Variants in NKIRAS2 observed in about 807,000 individuals in gnomAD.
The protein encoded by NKIRAS2 is NFKB inhibitor interacting Ras like 2.
In NKIRAS2, 15 loss-of-function variants were observed where a neutral mutation model predicts 20.7. The ratio of observed to expected loss-of-function variants is 0.73; its 90% CI spans 0.49 to 1.12. NKIRAS2 has a LOEUF of 1.12. NKIRAS2 is among the 50% of genes most tolerant of loss of function. NKIRAS2 has a pLI of 0.00. For synonymous variants in NKIRAS2, 116 were observed against 101.4 expected (o/e 1.14, Z -0.87); for missense variants, 196 against 249.6 (o/e 0.79, Z 1.45).
chr17:42,024,319 AG>A lies in NKIRAS2; in HGVS notation c.*429del. The A allele has an allele frequency of 4.3e-6, 1 of 230,172 alleles. No homozygotes were observed. Among genetic ancestry groups the A allele is most frequent in the South Asian group, 5.8e-5 (1 of 17,172 alleles). 14.3% of individuals were successfully genotyped at this position (230,172 alleles called of 1,614,324 possible). ...TGGCACCAGCCTGGACTCCAGAAAA[AG>A]GGTGTCCAGGTATTGTGTGTATGCA... On this transcript the variant is annotated 3_prime_UTR_variant, in exon 4 of 4. Transcript: ENST00000393885.
At chr17:42,021,315 C>T (rs1202294006) in intron 1 of NKIRAS2, 13 of 425,912 alleles carry the variant, frequency 3.1e-5, no homozygotes, top group Non-Finnish European at 5.2e-5. Context: ...AATAAAATAA[C>T]AGCTTACCAT....
In NKIRAS2 at chr17:42,023,648, C is replaced by A. The variant is rs782399310; in HGVS notation, c.337-6C>A. The A allele has an allele frequency of 3.1e-6, 5 of 1,613,462 alleles. No homozygotes were observed. In the South Asian group the frequency reaches 4.4e-5, roughly 14 times the overall value. On this transcript the variant is annotated splice_polypyrimidine_tract_variant and splice_region_variant and intron_variant, in intron 3 of 3. Coordinates refer to ENST00000393885, the MANE Select transcript of NKIRAS2 (RefSeq NM_017595.6). The stretch of plus-strand genomic sequence containing the variant: ...CACAGGCCTATGCTCTGTCCCTCTT[C>A]CCCAGGTCACCATCGTGGTCCTTGG...
At chr17:42,019,576 G>A (rs1031448776), upstream of NKIRAS2, among the ~76,000 whole-genome samples, 68 of 152,282 alleles carry the variant, frequency 4.5e-4, no homozygotes, top group African/African-American at 1.6e-3. Context: ...CATAGTTTCA[G>A]AAAATGCCAT....
rs1555652985 is a variant in NKIRAS2 at position 42,021,561 on chromosome 17, A to G, written c.-14-3A>G. Reference sequence around the variant, plus strand: ...CTTACCCAGCGTGCTTCTGTTCTTCAAGGTTGAAAACTAAGCATGGGGAAG... The same window carrying G: ...CTTACCCAGCGTGCTTCTGTTCTTCGAGGTTGAAAACTAAGCATGGGGAAG... On this transcript the variant is annotated splice_polypyrimidine_tract_variant and splice_region_variant and intron_variant, in intron 1 of 3. Coordinates refer to ENST00000393885, the MANE Select transcript of NKIRAS2 (RefSeq NM_017595.6). 6.2e-7 allele frequency: 1 copy of G among 1,613,356 alleles called. No homozygotes were observed. The highest frequency in any genetic ancestry group is 8.5e-7 in the Non-Finnish European group (1 of 1,179,358).
At chr17:42,019,235 T>C (rs117016675), upstream of NKIRAS2, among the ~76,000 whole-genome samples, 38 of 152,134 alleles carry the variant, frequency 2.5e-4, no homozygotes, top group Non-Finnish European at 5.0e-4. Context: ...ATCACACCAA[T>C]GTACTCCAGC....
upstream of NKIRAS2, chr17:42,018,349 G>A (rs2052362923): frequency 6.6e-6 from 1 of 152,198 alleles, no homozygotes; most frequent in Non-Finnish European, 1.5e-5. Context: ...GCTTTCTGGG[G>A]TTAAATTGGA....
chr17:42,019,457 CTT>C (rs1555652625), upstream of NKIRAS2, among the ~76,000 whole-genome samples: 1 of 152,190 alleles, frequency 6.6e-6, no homozygotes, highest in East Asian at 1.9e-4. Context: ...AATTTGATCT[CTT>C]TGGCCTACCA....
chr17:42,019,025 G>C (rs138630112), upstream of NKIRAS2, among the ~76,000 whole-genome samples: 13 of 152,262 alleles, frequency 8.5e-5, no homozygotes, highest in Non-Finnish European at 1.8e-4. Context: ...CTTCCAATTT[G>C]TTGCCAAGTT....
intron 2 of NKIRAS2, 124 bp downstream of exon 2, chr17:42,021,795 T>C: frequency 1.1e-6 from 1 of 894,988 alleles, no homozygotes; most frequent in Non-Finnish European, 1.9e-6. Context: ...GAATAAAACT[T>C]ACATTGTAAC....
At chr17:42,020,774 C>CGTT in intron 1 of NKIRAS2, 1 of 152,330 alleles carries the variant, frequency 6.6e-6, no homozygotes, top group Non-Finnish European at 1.5e-5. Context: ...CTTGCTCTGC[C>CGTT]GCCCAGGCTG....
At chr17:42,022,152 T>A in intron 2 of NKIRAS2, 1 of 491,096 alleles carries the variant, frequency 2.0e-6, no homozygotes, top group Non-Finnish European at 3.7e-6. Context: ...GAGGTTGCGG[T>A]GAGCCGAGAT....
chr17:42,019,522 C>A (rs2052391157), upstream of NKIRAS2, among the ~76,000 whole-genome samples: 1 of 152,046 alleles, frequency 6.6e-6, no homozygotes, highest in Admixed American at 6.6e-5. Context: ...ATTTGAGTAC[C>A]AATATTTAGG....
chr17:42,023,677 C>T lies in NKIRAS2; in HGVS notation c.360C>T (p.Asn120=). Residue 120 remains asparagine, a synonymous_variant, in exon 4 of 4, where the codon AAC becomes AAT. Coordinates refer to ENST00000393885, the MANE Select transcript of NKIRAS2 (RefSeq NM_017595.6). ...KKEVTIVVLG[N]KCDLQEQRRV... is the part of the protein sequence containing the mutation. ...AGGTCACCATCGTGGTCCTTGGCAA[C>T]AAGTGTGACTTACAGGAGCAGCGGC... is the stretch of plus-strand genomic sequence containing the variant. The T allele has an allele frequency of 9.3e-6, 15 of 1,614,204 alleles. No individual in the cohort carries two copies. The highest frequency in any genetic ancestry group is 1.2e-5 in the Non-Finnish European group (14 of 1,180,030).
chr17:42,022,257 C>G, intron 2 of NKIRAS2, 142 bp from the exon 3 acceptor site: 2 of 809,908 alleles, frequency 2.5e-6, no homozygotes, highest in Non-Finnish European at 3.9e-6. Context: ...CAAATCATTT[C>G]AGTCCTGCCA....
chr17:42,021,644 C>T lies in NKIRAS2; in HGVS notation c.67C>T (p.Gln23Ter). Residue 23 changes from glutamine to a stop codon, truncating the protein, a stop_gained, in exon 2 of 4, where the codon CAG becomes TAG. Coordinates refer to ENST00000393885, the MANE Select transcript of NKIRAS2 (RefSeq NM_017595.6). LOFTEE classifies it high-confidence loss of function. The part of the protein sequence containing the change: ...ASVGKTSILE[Q>*]LLYGNHVVGS... Reference sequence around the variant, plus strand: ...TGTGGGCAAAACTTCAATCCTGGAGCAGCTTCTGTATGGGAACCATGTAGT... The same window carrying T: ...TGTGGGCAAAACTTCAATCCTGGAGTAGCTTCTGTATGGGAACCATGTAGT... The T allele has an allele frequency of 3.7e-6, 6 of 1,614,134 alleles. No individual in the cohort carries two copies. Among genetic ancestry groups the T allele is most frequent in the Non-Finnish European group, 5.1e-6 (6 of 1,179,982 alleles).
intron 3 of NKIRAS2, among the ~76,000 whole-genome samples, 188 bp from the exon 4 acceptor site, chr17:42,023,466 T>G (rs2052506053): frequency 6.6e-6 from 1 of 152,196 alleles, no homozygotes; most frequent in East Asian, 1.9e-4. Flanking sequence ...GGCCAGAATT[T>G]GAACAGAGGA....
At position 42,022,659 on chromosome 17, in the gene NKIRAS2, T is replaced by C. The variant is rs782461742; in HGVS notation, c.336+19T>C. Reference sequence around the variant, plus strand: ...GAAGGAGGTGTGTGGCATAGGCTTCTGGTGGGAGCCTCAGTGGTCAGAGAG... The same window carrying C: ...GAAGGAGGTGTGTGGCATAGGCTTCCGGTGGGAGCCTCAGTGGTCAGAGAG... On this transcript the variant is annotated intron_variant, in intron 3 of 3. Coordinates refer to ENST00000393885, the MANE Select transcript of NKIRAS2 (RefSeq NM_017595.6). The C allele has an allele frequency of 5.6e-6, 9 of 1,602,224 alleles. No individual in the cohort carries two copies. The African/African-American group carries it at 9.4e-5, about 17-fold the overall frequency.
chr17:42,023,392 A>G (rs1413698270), intron 3 of NKIRAS2, among the ~76,000 whole-genome samples: 1 of 152,202 alleles, frequency 6.6e-6, no homozygotes, highest in Non-Finnish European at 1.5e-5. Flanking sequence ...CTGACTGCTA[A>G]TAATGAGCAT....
rs782024515 is a variant in NKIRAS2, at chr17:42,023,656, C to T, written c.339C>T (p.Val113=). ...EIDKSKDKKE[V]TIVVLGNKCD... is the part of the protein sequence containing the mutation. ...TATGCTCTGTCCCTCTTCCCCAGGT[C>T]ACCATCGTGGTCCTTGGCAACAAGT... The change falls in exon 4 of 4, where the codon GTC becomes GTT. Residue 113 remains valine, a splice_region_variant and synonymous_variant. Transcript: ENST00000393885. 13 of 1,613,694 alleles carry T rather than the reference C, an allele frequency of 8.1e-6. No homozygotes were observed. The highest frequency in any genetic ancestry group is 2.7e-5 in the African/African-American group (2 of 74,940).
Sources: gnomAD v4.1 joint callset for allele counts (sites outside exome capture counted in the v4.1 genomes callset) on GRCh38, gnomAD v4.1.1 for gene constraint, MANE v1.5 for transcripts, NCBI Gene and HGNC (gene_info 2026-07-23, HGNC 2026-07-21) for gene names.